THSD4: variants seen among roughly 807,000 people sequenced by gnomAD.
The protein encoded by THSD4 is thrombospondin type 1 domain containing 4.
In THSD4, 69 loss-of-function variants were observed where a neutral mutation model predicts 119.0. The ratio of observed to expected loss-of-function variants is 0.58; its 90% CI spans 0.48 to 0.71. THSD4 has a LOEUF of 0.71. Ranked by LOEUF, THSD4 falls within the 30% of genes least tolerant of loss-of-function variation. THSD4 has a pLI of 0.00. For synonymous variants in THSD4, 524 were observed against 540.4 expected (o/e 0.97, Z 0.42); for missense variants, 1,393 against 1,391.1 (o/e 1.00, Z -0.02).
chr15:71,364,025 G>A (rs570570775), intron 6 of THSD4, among the ~76,000 whole-genome samples: 56 of 152,226 alleles, frequency 3.7e-4, no homozygotes, highest in African/African-American at 1.3e-3. Context: ...GTTACTCAAG[G>A]CGATAGAAGA....
intron 3 of THSD4, among the ~76,000 whole-genome samples, chr15:71,164,402 C>A (rs2043272255): frequency 6.9e-6 from 1 of 144,134 alleles, no homozygotes; most frequent in South Asian, 2.3e-4. Flanking sequence ...GAGTGGTATT[C>A]AGTTAACAGA....
At position 71,215,315 on chromosome 15, in the gene THSD4, C is replaced by G; in HGVS notation, c.380C>G (p.Thr127Arg). 2 of 1,529,022 alleles carry G rather than the reference C, an allele frequency of 1.3e-6. No homozygotes were observed. The highest frequency in any genetic ancestry group is 1.2e-5 in the South Asian group (1 of 83,736). 94.7% of individuals were successfully genotyped at this position (1,529,022 alleles called of 1,614,324 possible). ...SRDETPALAG[T>R]DASRQGPTVL... is the part of the protein sequence containing the mutation. ...GACGAGACGCCAGCGCTGGCCGGTA[C>G]GGACGCCAGCCGCCAGGGCCCCACG... is the stretch of plus-strand genomic sequence containing the variant. Residue 127 changes from threonine (T) to arginine (R), a missense_variant, in exon 4 of 18, where the codon ACG (threonine) becomes AGG (arginine). Coordinates refer to ENST00000261862, the MANE Select transcript of THSD4 (RefSeq NM_024817.3).
chr15:71,306,532 C>T (rs892943508), intron 6 of THSD4, among the ~76,000 whole-genome samples: 1 of 151,910 alleles, frequency 6.6e-6, no homozygotes, highest in African/African-American at 2.4e-5. Context: ...CAAAGCAGCA[C>T]CAATGAAAAA....
Position 71,491,199 on chromosome 15 carries a change from C to A in THSD4, c.1152+79376C>A, listed in dbSNP as rs568784606. On this transcript the variant is annotated intron_variant, in intron 7 of 17. Coordinates refer to ENST00000261862, the MANE Select transcript of THSD4 (RefSeq NM_024817.3). ...ATGCCCTTTTCCTCCACACCCTTGA[C>A]AACACTGGGTATGATCATATTTTTA... 5.1e-4 allele frequency among the ~76,000 whole-genome samples: 78 copies of A among 152,272 alleles called. 1 individual carries two copies. Among genetic ancestry groups the A allele is most frequent in the African/African-American group, 1.8e-3 (73 of 41,546 alleles).
chr15:71,376,008 G>A (rs139396534), intron 6 of THSD4, among the ~76,000 whole-genome samples: 3 of 152,280 alleles, frequency 2.0e-5, no homozygotes, highest in Admixed American at 6.5e-5. Flanking sequence ...CCCTACCTGC[G>A]ACTTTGTGAT....
In THSD4 at chr15:71,503,698, G is replaced by T. The variant is rs549851819; in HGVS notation, c.1152+91875G>T. 5.9e-5 allele frequency among the ~76,000 whole-genome samples: 9 copies of T among 152,230 alleles called. No individual in the cohort carries two copies. In the South Asian group the frequency reaches 1.9e-3, roughly 32 times the overall value. On this transcript the variant is annotated intron_variant, in intron 7 of 17. Coordinates refer to ENST00000261862, the MANE Select transcript of THSD4 (RefSeq NM_024817.3). ...AGGCTGTTGTGCATCTTCAGCAAAG[G>T]GGGGCCTGGGCTATACCTCTCTACA...
At chr15:71,323,955 C>T (rs1382614710) in intron 6 of THSD4, among the ~76,000 whole-genome samples, 3 of 152,096 alleles carry the variant, frequency 2.0e-5, no homozygotes, top group Middle Eastern at 3.2e-3. Flanking sequence ...TTACCAAAGT[C>T]GTGTTGCACC....
At chr15:71,561,593 G>T (rs2049118127) in intron 7 of THSD4, among the ~76,000 whole-genome samples, 1 of 152,056 alleles carries the variant, frequency 6.6e-6, no homozygotes, top group Admixed American at 6.5e-5. Flanking sequence ...CCTAGAGAGG[G>T]GAGGTATACA....
At chr15:71,319,081 G>A (rs1300958543) in intron 6 of THSD4, among the ~76,000 whole-genome samples, 1 of 152,088 alleles carries the variant, frequency 6.6e-6, no homozygotes, top group Non-Finnish European at 1.5e-5. Context: ...GCTGGACATT[G>A]GTGCTTGCAA....
chr15:71,116,557 C>G (rs2040364422), intron 1 of THSD4, among the ~76,000 whole-genome samples: 1 of 152,220 alleles, frequency 6.6e-6, no homozygotes, highest in African/African-American at 2.4e-5. Context: ...ATGCTTGCTT[C>G]TCTTCCTGTC....
chr15:71,097,912 C>T (rs1178320213), intron 1 of THSD4, among the ~76,000 whole-genome samples: 2 of 151,882 alleles, frequency 1.3e-5, no homozygotes, highest in Admixed American at 6.6e-5. Context: ...TAGGTATGAG[C>T]GTCCCTCTGT....
At chr15:71,519,285 G>C (rs1312081593) in intron 7 of THSD4, among the ~76,000 whole-genome samples, 1 of 152,190 alleles carries the variant, frequency 6.6e-6, no homozygotes, top group Non-Finnish European at 1.5e-5. Flanking sequence ...ATATAGACAG[G>C]CTTTGGATTT....
chr15:71,762,200 T>C (rs545554308), intron 15 of THSD4, among the ~76,000 whole-genome samples: 1 of 150,312 alleles, frequency 6.7e-6, no homozygotes, highest in African/African-American at 2.5e-5. Context: ...TACACACACA[T>C]GAACACATTC....
chr15:71,434,177 T>C (rs982939469), intron 7 of THSD4, among the ~76,000 whole-genome samples: 4 of 152,180 alleles, frequency 2.6e-5, no homozygotes, highest in Admixed American at 2.0e-4. Flanking sequence ...AAAAAAGCAT[T>C]TGGGCTTATT....
intron 7 of THSD4, among the ~76,000 whole-genome samples, chr15:71,598,231 A>G (rs2049942126): frequency 6.6e-6 from 1 of 152,210 alleles, no homozygotes; most frequent in Non-Finnish European, 1.5e-5. Context: ...AGACCCTTCC[A>G]GGCCAAGGTA....
intron 4 of THSD4, among the ~76,000 whole-genome samples, chr15:71,236,463 C>T (rs750502993): frequency 5.3e-5 from 8 of 152,248 alleles, no homozygotes; most frequent in South Asian, 2.1e-4. Context: ...CAGAAATGCT[C>T]TCACACAATA....
At chr15:71,259,513 C>A (rs2044364956) in intron 6 of THSD4, among the ~76,000 whole-genome samples, 1 of 152,136 alleles carries the variant, frequency 6.6e-6, no homozygotes, top group South Asian at 2.1e-4. Context: ...TAGCAGATGC[C>A]TTAGAGAAGT....
rs187606187 is a variant in THSD4, at chr15:71,537,384, C to T, written c.1153-123146C>T. On this transcript the variant is annotated intron_variant, in intron 7 of 17. Transcript: ENST00000261862. Reference sequence around the variant, plus strand: ...GAAAGAAAAAATCTCTGCAACATGGCCCCTCCCTTTGTCCTCAGCCCATCT... The same window carrying T: ...GAAAGAAAAAATCTCTGCAACATGGTCCCTCCCTTTGTCCTCAGCCCATCT... Among the ~76,000 whole-genome samples the T allele has an allele frequency of 7.0e-4, 106 of 152,180 alleles. 1 individual carries two copies. In the Middle Eastern group the frequency reaches 0.014, roughly 20 times the overall value.
intron 6 of THSD4, among the ~76,000 whole-genome samples, chr15:71,303,716 T>A (rs1596325028): frequency 6.6e-6 from 1 of 152,286 alleles, no homozygotes; most frequent in East Asian, 1.9e-4. Flanking sequence ...GCTGGCATCT[T>A]GGGTCCTTGG....
Sources: gnomAD v4.1 joint callset for allele counts (sites outside exome capture counted in the v4.1 genomes callset) on GRCh38, gnomAD v4.1.1 for gene constraint, MANE v1.5 for transcripts, NCBI Gene and HGNC (gene_info 2026-07-23, HGNC 2026-07-21) for gene names.